The following GPC5 variants were observed in gnomAD, a reference collection of about 807,000 sequenced individuals.
GPC5 encodes the protein glypican 5, also known as glypican-5.
Under a neutral mutation model 53.9 loss-of-function variants are expected in GPC5, and 47 were observed. The ratio of observed to expected loss-of-function variants is 0.87; its 90% CI spans 0.69 to 1.11. The LOEUF (loss-of-function observed/expected upper bound fraction) is 1.11, where lower values mean the gene tolerates loss of function less well. GPC5 is among the 50% of genes most tolerant of loss of function. The pLI is 0.00. For missense variants in GPC5, 748 were observed against 713.1 expected (o/e 1.05, Z -0.56); for synonymous variants, 286 against 263.3 (o/e 1.09, Z -0.84).
chr13:92,187,246 G>T (rs768825428), intron 7 of GPC5, among the ~76,000 whole-genome samples: 3 of 152,174 alleles, frequency 2.0e-5, no homozygotes, highest in Non-Finnish European at 4.4e-5. Flanking sequence ...ATTGCAGTAG[G>T]TTCTTAAGTT....
At chr13:92,581,556 C>T (rs997021785) in intron 7 of GPC5, among the ~76,000 whole-genome samples, 5 of 152,088 alleles carry the variant, frequency 3.3e-5, no homozygotes, top group African/African-American at 1.2e-4. Flanking sequence ...CTTTGACATA[C>T]CAATTTCATA....
chr13:92,113,631 G>A (rs2041575486), intron 6 of GPC5, among the ~76,000 whole-genome samples: 3 of 151,918 alleles, frequency 2.0e-5, no homozygotes, highest in African/African-American at 4.8e-5. Context: ...AAATGTTAGG[G>A]ACATATTAAG....
chr13:91,885,357 A>C (rs544248929), intron 5 of GPC5, among the ~76,000 whole-genome samples: 5 of 152,278 alleles, frequency 3.3e-5, no homozygotes, highest in African/African-American at 9.6e-5. Flanking sequence ...GTTTTAAGGA[A>C]GTTTTTTTTC....
At chr13:92,230,525 A>G (rs1210439758) in intron 7 of GPC5, among the ~76,000 whole-genome samples, 2 of 152,144 alleles carry the variant, frequency 1.3e-5, no homozygotes, top group South Asian at 4.1e-4. Context: ...ACAAATTTTA[A>G]TACTGAGATT....
chr13:91,720,684 G>GT (rs1384704259), intron 3 of GPC5, among the ~76,000 whole-genome samples: 1 of 152,128 alleles, frequency 6.6e-6, no homozygotes, highest in Admixed American at 6.5e-5. Context: ...TCTTGGATGA[G>GT]TGATTGTCAT....
intron 6 of GPC5, among the ~76,000 whole-genome samples, chr13:92,042,663 T>C (rs2040950821): frequency 6.6e-6 from 1 of 152,196 alleles, no homozygotes; most frequent in Non-Finnish European, 1.5e-5. Context: ...TGTATTATTT[T>C]AAATGTTTAA....
chr13:92,334,347 C>G (rs180876043), intron 7 of GPC5, among the ~76,000 whole-genome samples: 1 of 152,058 alleles, frequency 6.6e-6, no homozygotes, highest in Non-Finnish European at 1.5e-5. Context: ...ATCATGAGAA[C>G]AGCATGAGAA....
At chr13:91,548,950 CAA>C (rs2030458664) in intron 2 of GPC5, among the ~76,000 whole-genome samples, 2 of 152,030 alleles carry the variant, frequency 1.3e-5, no homozygotes, top group African/African-American at 4.8e-5. Flanking sequence ...AAAATCAACT[CAA>C]AGTGGATCAT....
chr13:92,657,571 GT>G (rs1324200995), intron 7 of GPC5, among the ~76,000 whole-genome samples: 1 of 132,428 alleles, frequency 7.6e-6, no homozygotes, highest in Non-Finnish European at 1.6e-5. Flanking sequence ...TTTCTAGAAG[GT>G]TTTTTGGTTT....
In GPC5 at chr13:91,741,022, G is replaced by A. The variant is rs145922615; in HGVS notation, c.1154+12357G>A. On this transcript the variant is annotated intron_variant, in intron 4 of 7. Coordinates refer to ENST00000377067, the MANE Select transcript of GPC5 (RefSeq NM_004466.6). ...CTCCAGCAAGCATTCCAATTAGCCA[G>A]GCCTCTCATTTCAGAATGCATGATT... 2.0e-4 allele frequency among the ~76,000 whole-genome samples: 30 copies of A among 152,210 alleles called. 1 individual carries two copies. In the East Asian group the frequency reaches 5.8e-3, roughly 29 times the overall value.
chr13:92,058,494 C>T (rs949800883), intron 6 of GPC5, among the ~76,000 whole-genome samples: 2 of 152,210 alleles, frequency 1.3e-5, no homozygotes, highest in African/African-American at 4.8e-5. Context: ...CCAACATTTA[C>T]ATTTTAAATC....
At chr13:92,613,250 TTATATATAA>T (rs1466038004) in intron 7 of GPC5, among the ~76,000 whole-genome samples, 3 of 128,250 alleles carry the variant, frequency 2.3e-5, no homozygotes, top group Non-Finnish European at 3.1e-5. Flanking sequence ...TATATATAAT[TTATATATAA>T]TATATATATA....
At chr13:92,610,176 A>C (rs2139093833) in intron 7 of GPC5, among the ~76,000 whole-genome samples, 1 of 152,280 alleles carries the variant, frequency 6.6e-6, no homozygotes, top group Non-Finnish European at 1.5e-5. Context: ...CAGGTAAAAT[A>C]AACACTTTCT....
intron 7 of GPC5, among the ~76,000 whole-genome samples, chr13:92,635,529 T>C (rs144901538): frequency 2.7e-3 from 413 of 152,246 alleles, no homozygotes; most frequent in African/African-American, 9.5e-3. Flanking sequence ...AGGAACCGGC[T>C]CCCAAGACAA....
At chr13:91,801,088 A>G (rs2038127098) in intron 5 of GPC5, among the ~76,000 whole-genome samples, 1 of 152,166 alleles carries the variant, frequency 6.6e-6, no homozygotes, top group African/African-American at 2.4e-5. Flanking sequence ...TCTCTTAAAT[A>G]GAAATAATGT....
At chr13:92,605,922 T>C (rs1884241800) in intron 7 of GPC5, among the ~76,000 whole-genome samples, 2 of 152,118 alleles carry the variant, frequency 1.3e-5, no homozygotes, top group African/African-American at 4.8e-5. Flanking sequence ...GTAAATGCTA[T>C]CTGATGTGAA....
chr13:92,362,233 T>C (rs2043573768), intron 7 of GPC5, among the ~76,000 whole-genome samples: 1 of 151,754 alleles, frequency 6.6e-6, no homozygotes, highest in Non-Finnish European at 1.5e-5. Flanking sequence ...TGTTTTCCTT[T>C]TTTATTAGAC....
intron 5 of GPC5, among the ~76,000 whole-genome samples, chr13:91,870,397 T>C (rs2039131710): frequency 6.6e-6 from 1 of 152,204 alleles, no homozygotes; most frequent in African/African-American, 2.4e-5. Flanking sequence ...ATTTAAAATA[T>C]TAGAATGTAA....
At chr13:92,201,133 T>C (rs1343142726) in intron 7 of GPC5, among the ~76,000 whole-genome samples, 1 of 152,224 alleles carries the variant, frequency 6.6e-6, no homozygotes, top group Non-Finnish European at 1.5e-5. Flanking sequence ...AGATCTGATA[T>C]TGTTTAGGTT....
Sources: allele counts gnomAD v4.1 joint callset (sites outside exome capture counted in the v4.1 genomes callset), GRCh38; gene constraint gnomAD v4.1.1; transcripts MANE v1.5; gene names NCBI Gene and HGNC (gene_info 2026-07-23, HGNC 2026-07-21).